The following KALRN variants were observed in gnomAD, a reference collection of about 807,000 sequenced individuals.
KALRN encodes kalirin.
Under a neutral mutation model 353.7 loss-of-function variants are expected in KALRN, and 70 were observed. The observed-to-expected ratio is 0.20, with a 90% CI of 0.16 to 0.24. The LOEUF is 0.24. Among genes scored for constraint, KALRN ranks in the 10% least tolerant of loss-of-function variants. The probability of loss-of-function intolerance (pLI) is 1.00; values close to 1 mark genes in which losing one functional copy is unlikely to be tolerated. For synonymous variants in KALRN, 1,391 were observed against 1,434.8 expected (o/e 0.97, Z 0.69); for missense variants, 2,791 against 3,756.7 (o/e 0.74, Z 6.72).
intron 1 of KALRN, among the ~76,000 whole-genome samples, chr3:124,157,280 T>C (rs1362006185): frequency 6.6e-6 from 1 of 152,116 alleles, no homozygotes; most frequent in African/African-American, 2.4e-5. Flanking sequence ...TGGAATAGGG[T>C]CCTGAATCTC....
Position 124,051,386 on chromosome 3 carries a change from T to A in KALRN, c.73+17573T>A, listed in dbSNP as rs1577583674. Among the ~76,000 whole-genome samples the A allele has an allele frequency of 2.6e-5, 4 of 152,348 alleles. No individual in the cohort carries two copies. In the East Asian group the frequency reaches 7.7e-4, roughly 29 times the overall value. The stretch of plus-strand genomic sequence containing the variant: ...CTGGTTTCTCCTTACTTTGCTAGGA[T>A]CTGCTTTCCAAGTCTCTTCAACTTT... On this transcript the variant is annotated intron_variant, in intron 1 of 59. Coordinates refer to ENST00000682506, the MANE Select transcript of KALRN (RefSeq NM_001388419.1).
chr3:124,065,443 T>C (rs1431983091), intron 1 of KALRN, among the ~76,000 whole-genome samples: 2 of 152,152 alleles, frequency 1.3e-5, no homozygotes, highest in African/African-American at 4.8e-5. Flanking sequence ...CTGAGTGCCC[T>C]CATATTTAAG....
rs150586306 is a variant in KALRN at position 124,066,810 on chromosome 3, G to A, written c.73+32997G>A. On this transcript the variant is annotated intron_variant, in intron 1 of 59. Coordinates refer to ENST00000682506, the MANE Select transcript of KALRN (RefSeq NM_001388419.1). ...AGGGTGTGCCTGGAACAGGTGGAGA[G>A]TGATGGAAGGGCAAACAGGAGCCCC... Among the ~76,000 whole-genome samples the A allele has an allele frequency of 4.1e-3, 617 of 152,334 alleles. 1 individual carries two copies. Among genetic ancestry groups the A allele is most frequent in the Middle Eastern group, 6.8e-3 (2 of 294 alleles).
At chr3:124,584,864 G>T in intron 34 of KALRN, 1 of 1,607,566 alleles carries the variant, frequency 6.2e-7, no homozygotes, top group Non-Finnish European at 8.5e-7. Context: ...TCCCTCTTTG[G>T]GGTGGCTCTT....
At chr3:124,595,698 C>T (rs1284269990) in intron 34 of KALRN, among the ~76,000 whole-genome samples, 2 of 152,046 alleles carry the variant, frequency 1.3e-5, no homozygotes, top group Admixed American at 6.6e-5. Flanking sequence ...AGTTTCATAC[C>T]CTTTGAAAGG....
chr3:124,634,297 C>T (rs2081115350), intron 36 of KALRN, among the ~76,000 whole-genome samples: 1 of 152,194 alleles, frequency 6.6e-6, no homozygotes, highest in African/African-American at 2.4e-5. Flanking sequence ...TTTGTCGTAC[C>T]TGACTGTACA....
In KALRN at chr3:124,411,693, G is replaced by A. The variant is rs375885425; in HGVS notation, c.2347-1777G>A. ...ACTCCTGGCCTCAAGTGATCCTCCC[G>A]CCTTGGCCTCCCAAATCACTGGGAT... On this transcript the variant is annotated intron_variant, in intron 13 of 59. Transcript: ENST00000682506. Among the ~76,000 whole-genome samples, 242 of 152,026 alleles carry A rather than the reference G, an allele frequency of 1.6e-3. 3 individuals are homozygous for A. Among genetic ancestry groups the A allele is most frequent in the African/African-American group, 5.6e-3 (232 of 41,494 alleles).
intron 11 of KALRN, among the ~76,000 whole-genome samples, chr3:124,385,452 C>T (rs2088105288): frequency 6.6e-6 from 1 of 152,226 alleles, no homozygotes; most frequent in Non-Finnish European, 1.5e-5. Flanking sequence ...ACTTGTAGGA[C>T]TACCAGCAAG....
At chr3:124,228,810 G>T (rs1371637470) in intron 2 of KALRN, among the ~76,000 whole-genome samples, 1 of 151,956 alleles carries the variant, frequency 6.6e-6, no homozygotes, top group Non-Finnish European at 1.5e-5. Flanking sequence ...AAATCTAGGG[G>T]TCAGCAGGGC....
chr3:124,670,053 C>T (rs1205238524), intron 47 of KALRN, among the ~76,000 whole-genome samples: 1 of 151,278 alleles, frequency 6.6e-6, no homozygotes, highest in Non-Finnish European at 1.5e-5. Context: ...CACTGCAAAT[C>T]TCCACCTCCT....
At chr3:124,287,952 C>T (rs914835429) in intron 5 of KALRN, among the ~76,000 whole-genome samples, 2 of 150,882 alleles carry the variant, frequency 1.3e-5, no homozygotes, top group South Asian at 4.2e-4. Flanking sequence ...CGGCACACTG[C>T]AACCTCCACC....
intron 1 of KALRN, among the ~76,000 whole-genome samples, chr3:124,104,686 G>A (rs1288207053): frequency 2.0e-5 from 3 of 152,192 alleles, no homozygotes; most frequent in South Asian, 4.1e-4. Context: ...GGTTTAAGGA[G>A]AGACTCAGAT....
chr3:124,260,732 G>A lies in KALRN; in HGVS notation c.264-3766G>A, dbSNP rs192678236. Among the ~76,000 whole-genome samples, 8 of 152,244 alleles carry A rather than the reference G, an allele frequency of 5.3e-5. No individual in the cohort carries two copies. The East Asian group carries it at 1.5e-3, about 29-fold the overall frequency. On this transcript the variant is annotated intron_variant, in intron 3 of 59. Coordinates refer to ENST00000682506, the MANE Select transcript of KALRN (RefSeq NM_001388419.1). ...GGTGGGGTGTGCAAAAAGAGGGACAGAGCCCAGAATGGGACTCTCCAAGGC... is the reference window on the plus strand; with the variant it reads ...GGTGGGGTGTGCAAAAAGAGGGACAAAGCCCAGAATGGGACTCTCCAAGGC...
At chr3:124,303,402 C>T (rs2077421420) in intron 6 of KALRN, among the ~76,000 whole-genome samples, 3 of 152,254 alleles carry the variant, frequency 2.0e-5, no homozygotes, top group East Asian at 3.9e-4. Context: ...TGGGGCCTTC[C>T]TCTTGTTTAA....
At chr3:124,692,831 T>C (rs1207281753) in intron 51 of KALRN, among the ~76,000 whole-genome samples, 1 of 152,238 alleles carries the variant, frequency 6.6e-6, no homozygotes, top group African/African-American at 2.4e-5. Flanking sequence ...ACAAAACAGA[T>C]GACCTCAGCC....
At chr3:124,538,704 TG>T (rs2068745117) in intron 33 of KALRN, among the ~76,000 whole-genome samples, 1 of 152,128 alleles carries the variant, frequency 6.6e-6, no homozygotes, top group Non-Finnish European at 1.5e-5. Context: ...GAGCGAATAG[TG>T]GGGCCCCAAA....
At chr3:124,536,394 G>T (rs1326899580) in intron 33 of KALRN, among the ~76,000 whole-genome samples, 2 of 151,724 alleles carry the variant, frequency 1.3e-5, no homozygotes, top group Non-Finnish European at 2.9e-5. Context: ...TAGAGATGGG[G>T]TTTTGCCATG....
At chr3:124,092,621 G>T (rs1472291482) in intron 1 of KALRN, among the ~76,000 whole-genome samples, 1 of 152,182 alleles carries the variant, frequency 6.6e-6, no homozygotes, top group African/African-American at 2.4e-5. Flanking sequence ...CTACTGTGAG[G>T]GCTCCCGTAT....
chr3:124,418,404 G>A (rs1372548555), intron 14 of KALRN, among the ~76,000 whole-genome samples: 2 of 152,080 alleles, frequency 1.3e-5, no homozygotes, highest in African/African-American at 2.4e-5. Context: ...GTACAACCAG[G>A]GTTGAGAACA....
Sources: allele counts gnomAD v4.1 joint callset (sites outside exome capture counted in the v4.1 genomes callset), GRCh38; gene constraint gnomAD v4.1.1; transcripts MANE v1.5; gene names NCBI Gene and HGNC (gene_info 2026-07-23, HGNC 2026-07-21).